MAN1A2: variants seen among roughly 807,000 people sequenced by gnomAD.
The protein encoded by MAN1A2 is mannosidase alpha class 1A member 2, also known as mannosyl-oligosaccharide 1,2-alpha-mannosidase IB.
In MAN1A2, 26 loss-of-function variants were observed where a neutral mutation model predicts 75.7. The ratio of observed to expected loss-of-function variants is 0.34; its 90% CI spans 0.25 to 0.48. MAN1A2 has a LOEUF of 0.48. Among genes scored for constraint, MAN1A2 ranks in the 20% least tolerant of loss-of-function variants. MAN1A2 has a pLI of 0.99. For synonymous variants in MAN1A2, 247 were observed against 264.6 expected (o/e 0.93, Z 0.65); for missense variants, 562 against 775.5 (o/e 0.72, Z 3.27).
chr1:117,488,896 T>C (rs1033719485), intron 8 of MAN1A2, among the ~76,000 whole-genome samples: 1 of 152,104 alleles, frequency 6.6e-6, no homozygotes, highest in African/African-American at 2.4e-5. Flanking sequence ...AAGTTAAAAT[T>C]GAAGGGCTCC....
At chr1:117,512,824 T>C (rs1307465183) in intron 12 of MAN1A2, among the ~76,000 whole-genome samples, 1 of 151,404 alleles carries the variant, frequency 6.6e-6, no homozygotes, top group Non-Finnish European at 1.5e-5. Flanking sequence ...TACTATTTAA[T>C]ATAAGCATTT....
chr1:117,375,865 C>T (rs189083156), intron 1 of MAN1A2, among the ~76,000 whole-genome samples: 1 of 151,906 alleles, frequency 6.6e-6, no homozygotes, highest in African/African-American at 2.4e-5. Flanking sequence ...TTCTATCTCT[C>T]CCCATTTTTG....
chr1:117,458,497 C>CTATATATATA (rs1257024902), intron 6 of MAN1A2, among the ~76,000 whole-genome samples: 9 of 103,818 alleles, frequency 8.7e-5, no homozygotes, highest in African/African-American at 3.0e-4. Context: ...ATATATATAT[C>CTATATATATA]TATATATATA....
rs1255167664 is a variant in MAN1A2, at chr1:117,445,866, G to GTATATATATA, written c.950+3542_950+3543insATATATATAT. 9.8e-3 allele frequency among the ~76,000 whole-genome samples: 1,176 copies of GTATATATATA among 119,528 alleles called. 63 individuals are homozygous for GTATATATATA. The highest frequency in any genetic ancestry group is 0.033 in the East Asian group (133 of 4,020). The allele number at this position is 119,528 out of a possible 152,430, so 78.4% of individuals were successfully genotyped here. On this transcript the variant is annotated intron_variant, in intron 6 of 12. Transcript: ENST00000356554. ...TGTGTGTGTGTGTGTGTGTATGTGT[G>GTATATATATA]TGTGTGTCTGTGTGTGTGTATATAT...
At chr1:117,399,965 G>T (rs1424050723) in intron 1 of MAN1A2, among the ~76,000 whole-genome samples, 1 of 152,140 alleles carries the variant, frequency 6.6e-6, no homozygotes, top group Non-Finnish European at 1.5e-5. Flanking sequence ...TCTGGGGTTA[G>T]TAGTACCGTG....
chr1:117,443,157 C>T (rs1173605087), intron 6 of MAN1A2, among the ~76,000 whole-genome samples: 1 of 150,588 alleles, frequency 6.6e-6, no homozygotes, highest in African/African-American at 2.4e-5. Flanking sequence ...AAGTTAGGAA[C>T]ATTTATTTTT....
Position 117,525,715 on chromosome 1 carries a change from CT to C in MAN1A2, c.*2763del, listed in dbSNP as rs1207078451. On this transcript the variant is annotated 3_prime_UTR_variant, in exon 13 of 13. Coordinates refer to ENST00000356554, the MANE Select transcript of MAN1A2 (RefSeq NM_006699.5). ...TATTTCTCTTCATTTTAGAATCACA[CT>C]TTTTATGTTAAACCAGATTATTATT... The C allele has an allele frequency of 2.0e-5, 3 of 151,678 alleles. No individual in the cohort carries two copies. Among genetic ancestry groups the C allele is most frequent in the African/African-American group, 7.3e-5 (3 of 41,330 alleles). 9.4% of individuals were successfully genotyped at this position (151,678 alleles called of 1,614,324 possible).
chr1:117,420,982 A>G (rs1648167819), intron 5 of MAN1A2, among the ~76,000 whole-genome samples: 1 of 152,078 alleles, frequency 6.6e-6, no homozygotes, highest in African/African-American at 2.4e-5. Flanking sequence ...TTAAATAACA[A>G]ATCAGAAAGA....
intron 2 of MAN1A2, 23 bp from the exon 3 acceptor site, chr1:117,405,526 G>A: frequency 7.2e-7 from 1 of 1,394,354 alleles, no homozygotes; most frequent in East Asian, 2.3e-5. Flanking sequence ...TAAATTGATG[G>A]ATTATAATTT....
At chr1:117,411,938 C>T (rs543483848) in intron 3 of MAN1A2, among the ~76,000 whole-genome samples, 13 of 151,832 alleles carry the variant, frequency 8.6e-5, no homozygotes, top group Admixed American at 7.9e-4. Flanking sequence ...TATAGCCTAG[C>T]AATTCCACTC....
rs752239494 is a variant in MAN1A2, at chr1:117,502,923, T to G, written c.1746T>G (p.Pro582=). 15 of 1,607,688 alleles carry G rather than the reference T, an allele frequency of 9.3e-6. No homozygotes were observed. In the South Asian group the frequency reaches 1.2e-4, roughly 13 times the overall value. The change falls in exon 12 of 13, where the codon CCT becomes CCG. Residue 582 remains proline, a synonymous_variant. Transcript: ENST00000356554. The part of the protein sequence containing the change: ...SGVKDVYSST[P]THDDVQQSFF... ...TCAAAGATGTATATTCCTCTACTCC[T>G]ACACATGATGATGTACAGCAGAGCT... is the stretch of plus-strand genomic sequence containing the variant.
At chr1:117,450,204 G>A (rs1649360906) in intron 6 of MAN1A2, among the ~76,000 whole-genome samples, 1 of 152,176 alleles carries the variant, frequency 6.6e-6, no homozygotes, top group South Asian at 2.1e-4. Flanking sequence ...GAACTTCTTG[G>A]GAAATGAAGC....
At chr1:117,433,975 C>A (rs1295340173) in intron 5 of MAN1A2, among the ~76,000 whole-genome samples, 1 of 152,158 alleles carries the variant, frequency 6.6e-6, no homozygotes, top group Non-Finnish European at 1.5e-5. Context: ...ATGGCATTTG[C>A]AGCAGCTTTA....
At chr1:117,429,123 G>A (rs989060642) in intron 5 of MAN1A2, among the ~76,000 whole-genome samples, 11 of 147,520 alleles carry the variant, frequency 7.5e-5, no homozygotes, top group African/African-American at 2.3e-4. Flanking sequence ...TTGGGGGTAA[G>A]GTCACAGATC....
At chr1:117,386,995 G>A (rs1362901258) in intron 1 of MAN1A2, among the ~76,000 whole-genome samples, 1 of 151,874 alleles carries the variant, frequency 6.6e-6, no homozygotes, top group Non-Finnish European at 1.5e-5. Flanking sequence ...ATCTGATAAG[G>A]CATTAATATC....
At chr1:117,411,268 A>G (rs2359247) in intron 3 of MAN1A2, among the ~76,000 whole-genome samples, 18,225 of 151,802 alleles carry the variant, frequency 0.12, 1,157 homozygotes, top group Non-Finnish European at 0.14. Flanking sequence ...GGAAAAGAAT[A>G]GAAATAGAAG....
intron 8 of MAN1A2, among the ~76,000 whole-genome samples, chr1:117,489,167 T>C (rs1178233907): frequency 6.6e-6 from 1 of 152,082 alleles, no homozygotes; most frequent in African/African-American, 2.4e-5. Context: ...CATTTCAGGT[T>C]ATCTTTAGTT....
chr1:117,423,057 A>G (rs958903783), intron 5 of MAN1A2, among the ~76,000 whole-genome samples: 1 of 152,140 alleles, frequency 6.6e-6, no homozygotes, highest in Non-Finnish European at 1.5e-5. Context: ...TTGTACTTTT[A>G]AGTCTGTAAT....
chr1:117,469,277 C>G (rs1053129478), intron 8 of MAN1A2, among the ~76,000 whole-genome samples: 3 of 151,984 alleles, frequency 2.0e-5, no homozygotes, highest in Admixed American at 2.0e-4. Context: ...GAAGTTGAAC[C>G]CTTACTCTAT....
Sources: allele counts gnomAD v4.1 joint callset (sites outside exome capture counted in the v4.1 genomes callset), GRCh38; gene constraint gnomAD v4.1.1; transcripts MANE v1.5; gene names NCBI Gene and HGNC (gene_info 2026-07-23, HGNC 2026-07-21).